FCHSD2: variants seen among roughly 807,000 people sequenced by gnomAD.
FCHSD2 encodes the protein FCH and double SH3 domains 2.
Under a neutral mutation model 108.1 loss-of-function variants are expected in FCHSD2, and 38 were observed. The ratio of observed to expected loss-of-function variants is 0.35; its 90% CI spans 0.27 to 0.46. The LOEUF (loss-of-function observed/expected upper bound fraction) is 0.46. Ranked by LOEUF, FCHSD2 falls within the 20% of genes least tolerant of loss-of-function variation. FCHSD2 has a pLI of 1.00. For missense variants in FCHSD2, 751 were observed against 897.8 expected, an observed-to-expected ratio of 0.84 and a Z score of 2.09; for synonymous variants, 279 against 314.7, an observed-to-expected ratio of 0.89 and a Z score of 1.20.
chr11:73,053,647 G>C (rs1445796420), intron 3 of FCHSD2, among the ~76,000 whole-genome samples: 1 of 152,082 alleles, frequency 6.6e-6, no homozygotes, highest in East Asian at 1.9e-4. Context: ...GCAAATCTAT[G>C]TCATATTAAA....
In FCHSD2 at chr11:73,083,719, A is replaced by G; in HGVS notation, c.141T>C (p.Ala47=). ...CCTGTGCATACTCTCTTTCAATAGC[A>G]GCCTTCTTCTGACTGAATGTCCTAA... ...EDMRTFSQKK[A]AIEREYAQGM... is the part of the protein sequence containing the mutation. Residue 47 remains alanine (A), a synonymous_variant, in exon 3 of 20, where the codon GCT becomes GCC. Transcript: ENST00000409418. 6.5e-7 allele frequency: 1 copy of G among 1,546,038 alleles called. No homozygotes were observed. The highest frequency in any genetic ancestry group is 2.4e-5 in the East Asian group (1 of 41,078).
intron 8 of FCHSD2, among the ~76,000 whole-genome samples, chr11:72,962,115 C>G (rs931235553): frequency 6.6e-6 from 1 of 152,074 alleles, no homozygotes; most frequent in Non-Finnish European, 1.5e-5. Context: ...TAGTATATGG[C>G]AGAGGTTCTC....
At chr11:72,871,142 C>A (rs1489790977) in intron 12 of FCHSD2, among the ~76,000 whole-genome samples, 2 of 152,136 alleles carry the variant, frequency 1.3e-5, no homozygotes, top group African/African-American at 2.4e-5. Flanking sequence ...TAGTTTTAAA[C>A]CCCTCCCGAT....
chr11:72,928,885 A>G (rs1249210232), intron 8 of FCHSD2, among the ~76,000 whole-genome samples: 1 of 129,640 alleles, frequency 7.7e-6, no homozygotes, highest in Admixed American at 8.3e-5. Flanking sequence ...CCCCCACCCC[A>G]CAACAGTCCC....
Position 72,838,604 on chromosome 11 carries a change from CAAAA to C in FCHSD2, c.*183_*186del. 2.1e-6 allele frequency: 1 copy of C among 482,616 alleles called. No homozygotes were observed. The highest frequency in any genetic ancestry group is 2.6e-5 in the South Asian group (1 of 38,334). The allele number at this position is 482,616 out of a possible 1,614,324, so 29.9% of individuals were successfully genotyped here. Reference sequence around the variant, plus strand: ...GGAGAAATGACATAGAAAATGACAACAAAAAAAAAAGGCACGAAATATTCAAAAC... The same window carrying C: ...GGAGAAATGACATAGAAAATGACAACAAAAAAGGCACGAAATATTCAAAAC... On this transcript the variant is annotated 3_prime_UTR_variant, in exon 20 of 20. Coordinates refer to ENST00000409418, the MANE Select transcript of FCHSD2 (RefSeq NM_014824.3).
intron 3 of FCHSD2, among the ~76,000 whole-genome samples, chr11:73,028,338 G>A (rs1438625640): frequency 2.0e-5 from 3 of 152,214 alleles, no homozygotes; most frequent in African/African-American, 7.2e-5. Flanking sequence ...TTATTTTGGA[G>A]CTTTTACTAT....
chr11:73,123,783 T>C (rs1406619391), intron 2 of FCHSD2, among the ~76,000 whole-genome samples: 1 of 152,196 alleles, frequency 6.6e-6, no homozygotes, highest in African/African-American at 2.4e-5. Context: ...GCCTTTTCTC[T>C]AGTTACAGGT....
chr11:73,097,027 G>A lies in FCHSD2; in HGVS notation c.120-13287C>T, dbSNP rs1287986759. Among the ~76,000 whole-genome samples the A allele has an allele frequency of 1.1e-3, 23 of 20,384 alleles. 1 individual carries two copies. In the South Asian group the frequency reaches 0.053, roughly 47 times the overall value. The allele number at this position is 20,384 out of a possible 152,430, so 13.4% of individuals were successfully genotyped here. ...TTTTTTTTTTTTTTTGATGAGACAG[G>A]GTCTCACTCTGGTCATCCAAGCTGG... On this transcript the variant is annotated intron_variant, in intron 2 of 19. Transcript: ENST00000409418.
chr11:73,097,865 A>C (rs1368256512), intron 2 of FCHSD2, among the ~76,000 whole-genome samples: 1 of 152,048 alleles, frequency 6.6e-6, no homozygotes, highest in African/African-American at 2.4e-5. Flanking sequence ...TTAGAGACAG[A>C]GTCTTGCTAT....
intron 3 of FCHSD2, among the ~76,000 whole-genome samples, chr11:73,071,641 C>A (rs1265238635): frequency 6.6e-6 from 1 of 151,964 alleles, no homozygotes; most frequent in Non-Finnish European, 1.5e-5. Context: ...GCAGAGGCTG[C>A]AGTGAGCCGA....
At chr11:72,928,785 A>G (rs1184610008) in intron 8 of FCHSD2, among the ~76,000 whole-genome samples, 1 of 152,040 alleles carries the variant, frequency 6.6e-6, no homozygotes, top group East Asian at 1.9e-4. Context: ...GGTTTGTTAC[A>G]TATGTATACA....
chr11:72,859,553 T>G (rs747603871), intron 13 of FCHSD2, among the ~76,000 whole-genome samples: 1 of 152,216 alleles, frequency 6.6e-6, no homozygotes, highest in Non-Finnish European at 1.5e-5. Flanking sequence ...TAGATATGTA[T>G]GTATAGGGAA....
chr11:72,880,358 C>T (rs902867419), intron 12 of FCHSD2, among the ~76,000 whole-genome samples: 1 of 152,076 alleles, frequency 6.6e-6, no homozygotes, highest in African/African-American at 2.4e-5. Context: ...TAATACACTA[C>T]CTGACTTTAG....
chr11:72,889,991 T>A (rs545507178), intron 10 of FCHSD2, 46 bp from the exon 11 acceptor site: 1 of 1,190,742 alleles, frequency 8.4e-7, no homozygotes, highest in Non-Finnish European at 1.2e-6. Context: ...CTATCCTTAT[T>A]GTAACCACTA....
chr11:72,912,896 G>C (rs955142110), intron 9 of FCHSD2, among the ~76,000 whole-genome samples: 2 of 152,136 alleles, frequency 1.3e-5, no homozygotes, highest in Non-Finnish European at 2.9e-5. Flanking sequence ...TGAACTACCT[G>C]AGACTGGGTA....
At chr11:73,087,377 A>C (rs1179836406) in intron 2 of FCHSD2, among the ~76,000 whole-genome samples, 1 of 152,088 alleles carries the variant, frequency 6.6e-6, no homozygotes, top group Non-Finnish European at 1.5e-5. Context: ...AAAAAGTTAC[A>C]GTGAGCTAAG....
At chr11:72,986,199 A>G (rs1235911163) in intron 6 of FCHSD2, among the ~76,000 whole-genome samples, 1 of 152,130 alleles carries the variant, frequency 6.6e-6, no homozygotes, top group Non-Finnish European at 1.5e-5. Flanking sequence ...GTCATATTTC[A>G]TAATTACTTT....
intron 2 of FCHSD2, among the ~76,000 whole-genome samples, chr11:73,133,916 G>A (rs544701489): frequency 1.3e-5 from 2 of 151,820 alleles, no homozygotes; most frequent in South Asian, 2.1e-4. Context: ...TATGGGGAGC[G>A]ACTGCTAATG....
intron 12 of FCHSD2, among the ~76,000 whole-genome samples, chr11:72,883,298 T>C (rs1044391778): frequency 4.6e-5 from 7 of 151,990 alleles, no homozygotes; most frequent in Admixed American, 1.3e-4. Context: ...ACAACACTAA[T>C]CATAAAGGAC....
Sources: gnomAD v4.1 joint callset for allele counts (sites outside exome capture counted in the v4.1 genomes callset) on GRCh38, gnomAD v4.1.1 for gene constraint, MANE v1.5 for transcripts, NCBI Gene and HGNC (gene_info 2026-07-23, HGNC 2026-07-21) for gene names.